Variants in MARCHF3 observed in about 807,000 individuals in gnomAD.
The protein encoded by MARCHF3 is membrane associated ring-CH-type finger 3.
In MARCHF3, 13 loss-of-function variants were observed where a neutral mutation model predicts 24.2. That is an observed-to-expected ratio of 0.54 (90% CI 0.35 to 0.85). The LOEUF is 0.85. Among genes scored for constraint, MARCHF3 ranks in the 40% least tolerant of loss-of-function variants. The pLI, the probability that MARCHF3 is intolerant of heterozygous loss-of-function variation, is 0.01. For synonymous variants in MARCHF3, 144 were observed against 137.3 expected (o/e 1.05, Z -0.34); for missense variants, 276 against 325.0 (o/e 0.85, Z 1.16).
chr5:126,955,105 A>G (rs1258115763), intron 1 of MARCHF3, among the ~76,000 whole-genome samples: 2 of 152,240 alleles, frequency 1.3e-5, no homozygotes, highest in African/African-American at 2.4e-5. Flanking sequence ...GATCTAATTT[A>G]TTCATTTTCA....
At chr5:126,951,358 T>C (rs1445774066) in intron 1 of MARCHF3, among the ~76,000 whole-genome samples, 1 of 152,192 alleles carries the variant, frequency 6.6e-6, no homozygotes, top group African/African-American at 2.4e-5. Context: ...CCATAATTAG[T>C]GACATGGCTA....
chr5:126,922,538 T>C (rs1749145453), intron 1 of MARCHF3, among the ~76,000 whole-genome samples: 1 of 150,362 alleles, frequency 6.7e-6, no homozygotes, highest in Non-Finnish European at 1.5e-5. Context: ...ATTTATTTAT[T>C]TATTTATTTA....
intron 1 of MARCHF3, among the ~76,000 whole-genome samples, chr5:126,989,337 C>CTACTAATAATAA: frequency 7.1e-6 from 1 of 141,412 alleles, no homozygotes; most frequent in African/African-American, 2.7e-5. Flanking sequence ...ACTACTACTA[C>CTACTAATAATAA]TAATAATAAT....
intron 1 of MARCHF3, among the ~76,000 whole-genome samples, chr5:127,009,166 C>T (rs940652040): frequency 6.6e-6 from 1 of 152,132 alleles, no homozygotes; most frequent in African/African-American, 2.4e-5. Flanking sequence ...ATTCCAAAGC[C>T]CAATTCCTTT....
chr5:126,928,989 A>G (rs1203017007), intron 1 of MARCHF3, among the ~76,000 whole-genome samples: 2 of 152,160 alleles, frequency 1.3e-5, no homozygotes, highest in African/African-American at 4.8e-5. Context: ...TACCCAGACT[A>G]TATTTAAATT....
intron 1 of MARCHF3, among the ~76,000 whole-genome samples, chr5:126,961,122 A>G (rs926091210): frequency 6.6e-6 from 1 of 152,130 alleles, no homozygotes; most frequent in Non-Finnish European, 1.5e-5. Flanking sequence ...CATGTATTCA[A>G]TGGCATCTTT....
intron 1 of MARCHF3, among the ~76,000 whole-genome samples, chr5:126,946,786 G>GTGTGTGTGTGTGTGTC (rs1336253741): frequency 1.3e-5 from 2 of 151,514 alleles, no homozygotes; most frequent in Admixed American, 6.6e-5. Context: ...GTGTGTGTGT[G>GTGTGTGTGTGTGTGTC]TGTGTGTGTG....
chr5:126,975,529 T>C (rs558826655), intron 1 of MARCHF3, among the ~76,000 whole-genome samples: 1 of 152,352 alleles, frequency 6.6e-6, no homozygotes, highest in Non-Finnish European at 1.5e-5. Flanking sequence ...TTTTGTAATT[T>C]GTGTAATATT....
At chr5:127,021,363 AG>A (rs1307249767) in intron 1 of MARCHF3, among the ~76,000 whole-genome samples, 21 of 152,228 alleles carry the variant, frequency 1.4e-4, no homozygotes, top group Non-Finnish European at 2.1e-4. Context: ...TAACCATTCC[AG>A]TCTAATAAGA....
intron 1 of MARCHF3, among the ~76,000 whole-genome samples, chr5:126,959,807 T>C (rs188662363): frequency 3.1e-4 from 47 of 152,238 alleles, no homozygotes; most frequent in Admixed American, 1.3e-4. Flanking sequence ...TTACTATACC[T>C]CCATGGAAAA....
chr5:127,017,702 T>A (rs1752676098), intron 1 of MARCHF3, among the ~76,000 whole-genome samples: 1 of 151,902 alleles, frequency 6.6e-6, no homozygotes, highest in South Asian at 2.1e-4. Flanking sequence ...AGTCAAACCA[T>A]CATTAAGTCG....
At chr5:126,925,550 C>A (rs984638833) in intron 1 of MARCHF3, among the ~76,000 whole-genome samples, 1 of 152,110 alleles carries the variant, frequency 6.6e-6, no homozygotes, top group Non-Finnish European at 1.5e-5. Context: ...GGAGGCTATC[C>A]ATTTTTCATT....
At chr5:126,957,560 C>A (rs1481461183) in intron 1 of MARCHF3, among the ~76,000 whole-genome samples, 1 of 152,100 alleles carries the variant, frequency 6.6e-6, no homozygotes, top group African/African-American at 2.4e-5. Flanking sequence ...AATGGTTTCT[C>A]AATTGGATCA....
At chr5:126,956,830 T>C (rs2126819787) in intron 1 of MARCHF3, among the ~76,000 whole-genome samples, 1 of 152,316 alleles carries the variant, frequency 6.6e-6, no homozygotes, top group African/African-American at 2.4e-5. Context: ...TCATCAGTAG[T>C]TGAACGAAAC....
At position 126,902,919 on chromosome 5, in the gene MARCHF3, C is replaced by T. The variant is rs148219326; in HGVS notation, c.393+12011G>A. ...GTGGCCTGAGGGATGGTCTGCTCAG[C>T]GACCTTGTCAGAGGTCAAGAAAGTG... On this transcript the variant is annotated intron_variant, in intron 3 of 4. Transcript: ENST00000308660. 4.0e-3 allele frequency among the ~76,000 whole-genome samples: 613 copies of T among 152,122 alleles called. 7 individuals carry two copies. The highest frequency in any genetic ancestry group is 0.012 in the African/African-American group (501 of 41,478).
chr5:126,878,404 A>G lies in MARCHF3; in HGVS notation c.394-10T>C, dbSNP rs2126767674. 1 of 1,607,116 alleles carries G rather than the reference A, an allele frequency of 6.2e-7. No individual in the cohort carries two copies. Among genetic ancestry groups the G allele is most frequent in the Admixed American group, 1.7e-5 (1 of 58,814 alleles). ...CAGGGTTTCTCAGCCACTGCCAGGTAAAGGGAGACAGAGAAGAGCAAGGGA... is the reference window on the plus strand; with the variant it reads ...CAGGGTTTCTCAGCCACTGCCAGGTGAAGGGAGACAGAGAAGAGCAAGGGA... On this transcript the variant is annotated splice_polypyrimidine_tract_variant and intron_variant, in intron 3 of 4. Coordinates refer to ENST00000308660, the MANE Select transcript of MARCHF3 (RefSeq NM_178450.5).
At chr5:126,906,993 G>A (rs920510222) in intron 3 of MARCHF3, among the ~76,000 whole-genome samples, 40 of 152,052 alleles carry the variant, frequency 2.6e-4, no homozygotes, top group South Asian at 6.2e-4. Context: ...CTTTGAATGC[G>A]TCCCAGAGAT....
At chr5:126,979,835 C>A (rs1288782380) in intron 1 of MARCHF3, among the ~76,000 whole-genome samples, 2 of 150,950 alleles carry the variant, frequency 1.3e-5, no homozygotes, top group Non-Finnish European at 2.9e-5. Context: ...GTAATCCCAG[C>A]TACTCGGGAG....
At chr5:127,016,618 G>A (rs1413703095) in intron 1 of MARCHF3, among the ~76,000 whole-genome samples, 3 of 152,182 alleles carry the variant, frequency 2.0e-5, no homozygotes, top group East Asian at 1.9e-4. Context: ...AACAGATGCT[G>A]GAGAGGATGT....
Sources: allele counts gnomAD v4.1 joint callset (sites outside exome capture counted in the v4.1 genomes callset), GRCh38; gene constraint gnomAD v4.1.1; transcripts MANE v1.5; gene names NCBI Gene and HGNC (gene_info 2026-07-23, HGNC 2026-07-21).